The following PEX26 variants were observed in gnomAD, a reference collection of about 807,000 sequenced individuals.
PEX26 encodes peroxisomal biogenesis factor 26, also known as peroxisome assembly protein 26.
PEX26 carries 18 observed loss-of-function variants against 31.4 expected under a neutral mutation model. The ratio of observed to expected loss-of-function variants is 0.57; its 90% confidence interval spans 0.40 to 0.85. PEX26 has a LOEUF of 0.85. Ranked by LOEUF, PEX26 falls within the 40% of genes least tolerant of loss-of-function variation. The pLI is 0.00. For synonymous variants in PEX26, 176 were observed against 166.9 expected, an observed-to-expected ratio of 1.05 and a Z score of -0.42; for missense variants, 377 against 383.9, an observed-to-expected ratio of 0.98 and a Z score of 0.15.
chr22:18,078,479 G>A lies in PEX26; in HGVS notation c.103G>A (p.Val35Met), dbSNP rs757375227. The A allele has an allele frequency of 2.6e-5, 41 of 1,574,800 alleles. No individual in the cohort carries two copies. Among genetic ancestry groups the A allele is most frequent in the Admixed American group, 1.8e-4 (10 of 54,842 alleles). ...CGCGGTCCCGGCCCGGGCGCCGGCC[G>A]TGGACCTTCTGGAGGAGGCGGCCGA... ...VRAVPARAPA[V>M]DLLEEAADLL... Residue 35 changes from valine (V) to methionine (M), a missense_variant, in exon 1 of 5, where the codon GTG becomes ATG. Physicochemically the swap from Val to Met is conservative, Grantham distance 21. Coordinates refer to ENST00000399744, the MANE Select transcript of PEX26 (RefSeq NM_001127649.3).
chr22:18,101,024 A>C lies in PEX26; in HGVS notation c.*12949A>C, dbSNP rs2123679226. On this transcript the variant is annotated 3_prime_UTR_variant, in exon 5 of 5. Transcript: ENST00000399744. ...CACAGCGCTGGCAACTAAAAGGCTC[A>C]CAGATACTCTGATCTTTAAGCAGAT... The C allele has an allele frequency of 6.6e-6, 1 of 152,360 alleles. No homozygotes were observed. The highest frequency in any genetic ancestry group is 1.5e-5 in the Non-Finnish European group (1 of 68,040). 9.4% of individuals were successfully genotyped at this position (152,360 alleles called of 1,614,324 possible).
Position 18,088,141 on chromosome 22 carries a change from C to G in PEX26, c.*66C>G, listed in dbSNP as rs533201963. 39 of 1,083,970 alleles carry G rather than the reference C, an allele frequency of 3.6e-5. No homozygotes were observed. Among genetic ancestry groups the G allele is most frequent in the Non-Finnish European group, 5.3e-5 (37 of 703,248 alleles). The allele number at this position is 1,083,970 out of a possible 1,614,324, so 67.1% of individuals were successfully genotyped here. ...TGGCCACAGAAGCAGAGCGACAGAGCGACACATCCACAGGCGCCCCTGGGG... is the reference window on the plus strand; with the variant it reads ...TGGCCACAGAAGCAGAGCGACAGAGGGACACATCCACAGGCGCCCCTGGGG... On this transcript the variant is annotated 3_prime_UTR_variant, in exon 5 of 5. Coordinates refer to ENST00000399744, the MANE Select transcript of PEX26 (RefSeq NM_001127649.3). This position sits in a 1 kb window ranked among gnomAD's most constrained non-coding sequence, Gnocchi z 4.1.
At chr22:18,084,384 A>G (rs1926751113) in intron 3 of PEX26, among the ~76,000 whole-genome samples, 1 of 152,006 alleles carries the variant, frequency 6.6e-6, no homozygotes, top group African/African-American at 2.4e-5. Flanking sequence ...AGCTGGGACT[A>G]CAGGTGCCCG....
rs1331924750 is a variant in PEX26, at chr22:18,096,773, TA to T, written c.*8700del. On this transcript the variant is annotated 3_prime_UTR_variant, in exon 5 of 5. Coordinates refer to ENST00000399744, the MANE Select transcript of PEX26 (RefSeq NM_001127649.3). The stretch of plus-strand genomic sequence containing the variant: ...TTATATATTCATTTCAGACCATGTT[TA>T]ATTTTCTAAATATGCAATACATTCA... 1 of 152,232 alleles carries T rather than the reference TA, an allele frequency of 6.6e-6. No individual in the cohort carries two copies. Among genetic ancestry groups the T allele is most frequent in the Non-Finnish European group, 1.5e-5 (1 of 68,050 alleles). 9.4% of individuals were successfully genotyped at this position (152,232 alleles called of 1,614,324 possible). A position where few individuals can be genotyped will look rare whatever the true frequency, so the allele number is the denominator to read the frequency against.
rs1260358952 is a variant in PEX26 at position 18,104,202 on chromosome 22, C to A, written c.*16127C>A. 1 of 152,102 alleles carries A rather than the reference C, an allele frequency of 6.6e-6. No individual in the cohort carries two copies. Among genetic ancestry groups the A allele is most frequent in the East Asian group, 1.9e-4 (1 of 5,186 alleles). The allele number at this position is 152,102 out of a possible 1,614,324, so 9.4% of individuals were successfully genotyped here. A position where few individuals can be genotyped will look rare whatever the true frequency, so the allele number is the denominator to read the frequency against. On this transcript the variant is annotated 3_prime_UTR_variant, in exon 5 of 5. Transcript: ENST00000399744. ...TCTTTCCTAGTCTATCCCACACAGA[C>A]CTTTAGGTGCTCTTTTTTTTCTTTT...
rs1367627794 is a variant in PEX26, at chr22:18,085,347, A to C, written c.814+89A>C. On this transcript the variant is annotated intron_variant, in intron 4 of 4. Transcript: ENST00000399744. Reference sequence around the variant, plus strand: ...GGGAGTGGGTGTTTGTCAGAGTCCTACTGGGGAGGGGAGTCTCTCCTATGA... The same window carrying C: ...GGGAGTGGGTGTTTGTCAGAGTCCTCCTGGGGAGGGGAGTCTCTCCTATGA... 5.2e-6 allele frequency: 7 copies of C among 1,346,390 alleles called. No homozygotes were observed. In the Admixed American group the frequency reaches 6.8e-5, roughly 13 times the overall value. 83.4% of individuals were successfully genotyped at this position (1,346,390 alleles called of 1,614,324 possible).
Position 18,078,092 on chromosome 22 carries a change from C to T in PEX26, c.-285C>T, listed in dbSNP as rs1337649995. 16 of 599,066 alleles carry T rather than the reference C, an allele frequency of 2.7e-5. No homozygotes were observed. Among genetic ancestry groups the T allele is most frequent in the Non-Finnish European group, 1.6e-5 (5 of 319,698 alleles). The allele number at this position is 599,066 out of a possible 1,614,324, so 37.1% of individuals were successfully genotyped here. On this transcript the variant is annotated 5_prime_UTR_variant, in exon 1 of 5. Coordinates refer to ENST00000399744, the MANE Select transcript of PEX26 (RefSeq NM_001127649.3). ...CAGGAGCCCGGAGCTGAGGCAGTTCCTGCACGTGTCGCGGGGCCGGAGAAG... is the reference window on the plus strand; with the variant it reads ...CAGGAGCCCGGAGCTGAGGCAGTTCTTGCACGTGTCGCGGGGCCGGAGAAG...
In PEX26 at chr22:18,101,751, G is replaced by A. The variant is rs149863721; in HGVS notation, c.*13676G>A. 472 of 238,914 alleles carry A rather than the reference G, an allele frequency of 2.0e-3. 3 individuals carry two copies. The highest frequency in any genetic ancestry group is 0.01 in the African/African-American group (437 of 43,252). 14.8% of individuals were successfully genotyped at this position (238,914 alleles called of 1,614,324 possible). ...GCATTACAATGGCCTCATCCTGCAT[G>A]TGGGCAAGTCAGCTCTCTGATGGAT... On this transcript the variant is annotated 3_prime_UTR_variant, in exon 5 of 5. Coordinates refer to ENST00000399744, the MANE Select transcript of PEX26 (RefSeq NM_001127649.3).
rs1267429551 is a variant in PEX26, at chr22:18,087,994, C to T, written c.837C>T (p.Phe279=). 1 of 1,613,396 alleles carries T rather than the reference C, an allele frequency of 6.2e-7. No individual in the cohort carries two copies. The highest frequency in any genetic ancestry group is 8.5e-7 in the Non-Finnish European group (1 of 1,179,658). Residue 279 remains phenylalanine (F), a synonymous_variant, in exon 5 of 5, where the codon TTC becomes TTT. Transcript: ENST00000399744. ...FDPASPSSLH[F]LYKLAQLFRW... ...CAGCTTCCCCTTCCTCCCTGCACTTCCTCTACAAGCTGGCCCAGCTCTTCC... is the reference window on the plus strand; with the variant it reads ...CAGCTTCCCCTTCCTCCCTGCACTTTCTCTACAAGCTGGCCCAGCTCTTCC...
rs361569 is a variant in PEX26 at position 18,100,248 on chromosome 22, T to C, written c.*12173T>C. On this transcript the variant is annotated 3_prime_UTR_variant, in exon 5 of 5. Coordinates refer to ENST00000399744, the MANE Select transcript of PEX26 (RefSeq NM_001127649.3). ...GCACCACCATGCCCAGCTAATTTTA[T>C]ATTTTTAGTAGAGGCAGGGTTTCGC... 0.31 allele frequency: 47,202 copies of C among 151,918 alleles called. 7,704 individuals carry two copies. The highest frequency in any genetic ancestry group is 0.57 in the East Asian group (2,943 of 5,146). 9.4% of individuals were successfully genotyped at this position (151,918 alleles called of 1,614,324 possible).
In PEX26 at chr22:18,088,051, C is replaced by CT. The variant is rs759821636; in HGVS notation, c.895dup (p.Tyr299LeufsTer7). 101 of 1,612,484 alleles carry CT rather than the reference C, an allele frequency of 6.3e-5. No individual in the cohort carries two copies. In the African/African-American group the frequency reaches 1.2e-3, roughly 19 times the overall value. ...TCCGGAAGGCTGCATTTTCTCGCCT[C>CT]TACCAGCTCCGCATCCGTGACTGAG... On this transcript the variant is annotated frameshift_variant, in exon 5 of 5. Transcript: ENST00000399744. LOFTEE classifies it high-confidence loss of function. This position sits in a 1 kb window ranked among gnomAD's most constrained non-coding sequence, Gnocchi z 4.1.
Position 18,080,030 on chromosome 22 carries a change from T to C in PEX26, c.371+16T>C. The C allele has an allele frequency of 6.2e-7, 1 of 1,614,012 alleles. No individual in the cohort carries two copies. The highest frequency in any genetic ancestry group is 8.5e-7 in the Non-Finnish European group (1 of 1,179,928). The stretch of plus-strand genomic sequence containing the variant: ...TGGAGCTGTGGTAAGTCTTCTTTGC[T>C]GACTCATCAGATCGGTTCAGAAACG... On this transcript the variant is annotated intron_variant, in intron 2 of 4. Coordinates refer to ENST00000399744, the MANE Select transcript of PEX26 (RefSeq NM_001127649.3).
At chr22:18,086,797 GAGAAGTGCCATTTGTTAACTT>G (rs1475307628) in intron 4 of PEX26, among the ~76,000 whole-genome samples, 3 of 152,098 alleles carry the variant, frequency 2.0e-5, no homozygotes, top group Non-Finnish European at 4.4e-5. Flanking sequence ...TGTCTATTTT[GAGAAGTGCCATTTGTTAACTT>G]AGTCTTTAGA....
rs1271150099 is a variant in PEX26, at chr22:18,092,643, TTAAC to T, written c.*4572_*4575del. 5.3e-5 allele frequency: 8 copies of T among 152,104 alleles called. No individual in the cohort carries two copies. The East Asian group carries it at 5.8e-4, about 11-fold the overall frequency. 9.4% of individuals were successfully genotyped at this position (152,104 alleles called of 1,614,324 possible). ...TTTCAGCTTTTTTCCCCCTAATTAA[TTAAC>T]TAATTCTTTTTTTTCCTGCAACTCC... On this transcript the variant is annotated 3_prime_UTR_variant, in exon 5 of 5. Transcript: ENST00000399744.
At position 18,078,508 on chromosome 22, in the gene PEX26, CCTG is replaced by C. The variant is rs780983228; in HGVS notation, c.133_135del (p.Leu45del). The C allele has an allele frequency of 7.6e-6, 12 of 1,571,386 alleles. No homozygotes were observed. The highest frequency in any genetic ancestry group is 1.8e-5 in the Admixed American group (1 of 54,080). ...ACCTTCTGGAGGAGGCGGCCGACCT[CCTG>C]GTGGTGCACCTGGACTTCCGGGCGG... On this transcript the variant is annotated inframe_deletion, in exon 1 of 5. Transcript: ENST00000399744.
In PEX26 at chr22:18,083,543, G is replaced by C; in HGVS notation, c.478G>C (p.Ala160Pro). The C allele has an allele frequency of 6.2e-7, 1 of 1,614,096 alleles. No individual in the cohort carries two copies. Among genetic ancestry groups the C allele is most frequent in the Non-Finnish European group, 8.5e-7 (1 of 1,179,950 alleles). The change falls in exon 3 of 5, where the codon GCA becomes CCA. Residue 160 changes from alanine (A) to proline (P), a missense_variant. Ala to Pro is a conservative substitution (Grantham distance 27). Transcript: ENST00000399744. Reference sequence around the variant, plus strand: ...AAACCTTCCAGAATATGGAGCCTTGGCAGAATTTCACGTGCAGCGGGTGCT... The same window carrying C: ...AAACCTTCCAGAATATGGAGCCTTGCCAGAATTTCACGTGCAGCGGGTGCT... Reference protein sequence around the residue: ...NQNLPEYGALAEFHVQRVLLP... With the variant: ...NQNLPEYGALPEFHVQRVLLP...
chr22:18,088,010 C>T lies in PEX26; in HGVS notation c.853C>T (p.Gln285Ter). The T allele has an allele frequency of 6.2e-7, 1 of 1,613,852 alleles. No homozygotes were observed. The change falls in exon 5 of 5, where the codon CAG becomes TAG. Residue 285 changes from glutamine (Q) to a stop codon, truncating the protein, a stop_gained. Coordinates refer to ENST00000399744, the MANE Select transcript of PEX26 (RefSeq NM_001127649.3). LOFTEE classifies it high-confidence loss of function. This position sits in a 1 kb window ranked among gnomAD's most constrained non-coding sequence, Gnocchi z 4.1. Reference sequence around the variant, plus strand: ...CCTGCACTTCCTCTACAAGCTGGCCCAGCTCTTCCGCTGGATCCGGAAGGC... The same window carrying T: ...CCTGCACTTCCTCTACAAGCTGGCCTAGCTCTTCCGCTGGATCCGGAAGGC... ...SSLHFLYKLAQLFRWIRKAAF... is the reference protein window; with the variant it reads ...SSLHFLYKLA
At chr22:18,079,750 T>C (rs1926471240) in intron 1 of PEX26, 124 bp from the exon 2 acceptor site, 1 of 1,119,494 alleles carries the variant, frequency 8.9e-7, no homozygotes, top group African/African-American at 1.5e-5. Context: ...ATCTAAATAC[T>C]AACAGGGATG....
Position 18,079,812 on chromosome 22 carries a change from G to A in PEX26, c.231-62G>A, listed in dbSNP as rs145078826. On this transcript the variant is annotated intron_variant, in intron 1 of 4. Coordinates refer to ENST00000399744, the MANE Select transcript of PEX26 (RefSeq NM_001127649.3). Reference sequence around the variant, plus strand: ...AGCTGGAGAGGAACAGTCCCAAGGTGGAGGTGGGAATGGAAATGGAGGGGA... The same window carrying A: ...AGCTGGAGAGGAACAGTCCCAAGGTAGAGGTGGGAATGGAAATGGAGGGGA... 2,704 of 1,586,080 alleles carry A rather than the reference G, an allele frequency of 1.7e-3. 6 individuals are homozygous for A. The highest frequency in any genetic ancestry group is 1.8e-3 in the Non-Finnish European group (2,103 of 1,154,950).
Sources: gnomAD v4.1 joint callset for allele counts (sites outside exome capture counted in the v4.1 genomes callset) on GRCh38, gnomAD v4.1.1 for gene constraint, Gnocchi (gnomAD v3.1) non-coding constraint, MANE v1.5 for transcripts, NCBI Gene and HGNC (gene_info 2026-07-23, HGNC 2026-07-21) for gene names.